UGT2B28: variants seen among roughly 807,000 people sequenced by gnomAD.
UGT2B28 encodes the protein UDP-glucuronosyltransferase 2B28.
Under a neutral mutation model 43.6 loss-of-function variants are expected in UGT2B28, and 45 were observed. The observed-to-expected ratio is 1.03, with a 90% CI of 0.81 to 1.32. The LOEUF is 1.32. Ranked by LOEUF, UGT2B28 falls within the 40% of genes most tolerant of loss-of-function variation. The pLI, the probability that UGT2B28 is intolerant of heterozygous loss-of-function variation, is 0.00. For missense variants in UGT2B28, 649 were observed against 625.5 expected, an observed-to-expected ratio of 1.04 and a Z score of -0.40; for synonymous variants, 204 against 208.1, an observed-to-expected ratio of 0.98 and a Z score of 0.17.
At chr4:69,288,019 TG>T (rs1379669757) in intron 3 of UGT2B28, among the ~76,000 whole-genome samples, 1 of 140,348 alleles carries the variant, frequency 7.1e-6, no homozygotes, top group Non-Finnish European at 1.5e-5. Flanking sequence ...TATTAATCAC[TG>T]TTGTCAAAGC....
chr4:69,286,730 A>T (rs1416978632), intron 2 of UGT2B28, 22 bp from the exon 3 acceptor site: 1 of 1,551,470 alleles, frequency 6.4e-7, no homozygotes, highest in Non-Finnish European at 8.7e-7. Flanking sequence ...CTCTTTTGTG[A>T]TTAAACAATT....
chr4:69,287,387 A>G lies in UGT2B28; in HGVS notation c.1002+504A>G, dbSNP rs1220637003. On this transcript the variant is annotated intron_variant, in intron 3 of 5. Coordinates refer to ENST00000335568, the MANE Select transcript of UGT2B28 (RefSeq NM_053039.2). Reference sequence around the variant, plus strand: ...GTTTTCCTAATCTCAGCAGTATCTAATGAGTGAAGAAGATTTGACTTACTC... The same window carrying G: ...GTTTTCCTAATCTCAGCAGTATCTAGTGAGTGAAGAAGATTTGACTTACTC... Among the ~76,000 whole-genome samples, 4 of 140,804 alleles carry G rather than the reference A, an allele frequency of 2.8e-5. 1 individual carries two copies. The highest frequency in any genetic ancestry group is 1.1e-4 in the African/African-American group (4 of 36,082). The allele number at this position is 140,804 out of a possible 152,430, so 92.4% of individuals were successfully genotyped here. A position where few individuals can be genotyped will look rare whatever the true frequency, so the allele number is the denominator to read the frequency against.
At position 69,283,242 on chromosome 4, in the gene UGT2B28, A is replaced by C. The variant is rs539314764; in HGVS notation, c.870+580A>C. On this transcript the variant is annotated intron_variant, in intron 2 of 5. Coordinates refer to ENST00000335568, the MANE Select transcript of UGT2B28 (RefSeq NM_053039.2). ...GGCAGACAAAAAGGGAAAGCAGATA[A>C]AGTGGTCAGGACAGTTCTCAAGTCC... Among the ~76,000 whole-genome samples, 32 of 139,090 alleles carry C rather than the reference A, an allele frequency of 2.3e-4. 5 individuals carry two copies. In the Middle Eastern group the frequency reaches 0.022, roughly 94 times the overall value. 91.2% of individuals were successfully genotyped at this position (139,090 alleles called of 152,430 possible).
chr4:69,282,405 A>T, intron 1 of UGT2B28, 109 bp from the exon 2 acceptor site: 1 of 1,173,664 alleles, frequency 8.5e-7, no homozygotes, highest in Non-Finnish European at 1.1e-6. Context: ...TTTTCAAAGC[A>T]CACAAACTTT....
At position 69,282,618 on chromosome 4, in the gene UGT2B28, T is replaced by A. The variant is rs1393996030; in HGVS notation, c.826T>A (p.Phe276Ile). The A allele has an allele frequency of 6.4e-7, 1 of 1,554,470 alleles. No homozygotes were observed. Among genetic ancestry groups the A allele is most frequent in the Non-Finnish European group, 8.7e-7 (1 of 1,153,222 alleles). The change falls in exon 2 of 6, where the codon TTT (phenylalanine) becomes ATT (isoleucine). Residue 276 changes from phenylalanine to isoleucine, a missense_variant. Coordinates refer to ENST00000335568, the MANE Select transcript of UGT2B28 (RefSeq NM_053039.2). ...FPHPFLPNID[F>I]VGGLHCKPAK... ...TCATCCATTCTTACCAAACATTGAT[T>A]TTGTTGGAGGACTCCACTGCAAACC...
intron 3 of UGT2B28, among the ~76,000 whole-genome samples, chr4:69,287,757 C>T (rs1723822050): frequency 7.1e-6 from 1 of 140,244 alleles, no homozygotes; most frequent in South Asian, 2.4e-4. Context: ...CTCCATAGAA[C>T]ATAGTAGGAA....
Position 69,291,208 on chromosome 4 carries a change from CATT to C in UGT2B28, c.1310+401_1310+403del, listed in dbSNP as rs1251214206. 4.3e-4 allele frequency among the ~76,000 whole-genome samples: 60 copies of C among 140,112 alleles called. 11 individuals are homozygous for C. The highest frequency in any genetic ancestry group is 7.5e-4 in the Non-Finnish European group (49 of 65,606). 91.9% of individuals were successfully genotyped at this position (140,112 alleles called of 152,430 possible). ...TTGCTGAAAAATTAATTTTTATCAT[CATT>C]ATTTTAACAGACTTGAAAATGAGAT... On this transcript the variant is annotated intron_variant, in intron 5 of 5. Coordinates refer to ENST00000335568, the MANE Select transcript of UGT2B28 (RefSeq NM_053039.2).
chr4:69,284,601 C>A (rs7686786), intron 2 of UGT2B28, among the ~76,000 whole-genome samples: 60,854 of 137,610 alleles, frequency 0.44, 18,948 homozygotes, highest in Non-Finnish European at 0.52. Context: ...ACTGACAGTG[C>A]AAATTGGAGG....
chr4:69,294,561 A>G lies in UGT2B28; in HGVS notation c.1342A>G (p.Ile448Val). Residue 448 changes from isoleucine to valine, a missense_variant, in exon 6 of 6, where the codon ATT becomes GTT. Physicochemically the swap from Ile to Val is conservative, Grantham distance 29. Coordinates refer to ENST00000335568, the MANE Select transcript of UGT2B28 (RefSeq NM_053039.2). ...AGAGAATGTTATGAAATTATCAATA[A>G]TTCAACATGATCAACCAGTAAAGCC... ...YKENVMKLSIIQHDQPVKPLH... is the reference protein window; with the variant it reads ...YKENVMKLSIVQHDQPVKPLH... The G allele has an allele frequency of 1.3e-6, 2 of 1,546,254 alleles. No homozygotes were observed. The highest frequency in any genetic ancestry group is 1.7e-6 in the Non-Finnish European group (2 of 1,149,888).
At chr4:69,294,455 A>C in intron 5 of UGT2B28, 75 bp from the exon 6 acceptor site, 1 of 1,310,812 alleles carries the variant, frequency 7.6e-7, no homozygotes, top group African/African-American at 1.7e-5. Context: ...ACACTTTAAA[A>C]GCCTTTCATA....
In UGT2B28 at chr4:69,283,842, C is replaced by G. The variant is rs1445735701; in HGVS notation, c.870+1180C>G. 4.3e-5 allele frequency among the ~76,000 whole-genome samples: 6 copies of G among 140,170 alleles called. No individual in the cohort carries two copies. In the East Asian group the frequency reaches 1.2e-3, roughly 29 times the overall value. 92.0% of individuals were successfully genotyped at this position (140,170 alleles called of 152,430 possible). ...TCATATATGACAGATACCCTGTGGACTTGATTAAAATTAGACATATCAATT... is the reference window on the plus strand; with the variant it reads ...TCATATATGACAGATACCCTGTGGAGTTGATTAAAATTAGACATATCAATT... On this transcript the variant is annotated intron_variant, in intron 2 of 5. Transcript: ENST00000335568.
At chr4:69,291,715 G>T (rs1486796312) in intron 5 of UGT2B28, among the ~76,000 whole-genome samples, 2 of 116,844 alleles carry the variant, frequency 1.7e-5, no homozygotes, top group East Asian at 4.6e-4. Flanking sequence ...GCATAAACAT[G>T]TTTTACTTTC....
At chr4:69,289,572 C>A (rs1723884353) in intron 3 of UGT2B28, 93 bp from the exon 4 acceptor site, 3 of 1,140,660 alleles carry the variant, frequency 2.6e-6, no homozygotes, top group Non-Finnish European at 3.6e-6. Context: ...TTACTAACAT[C>A]CCTTGATCTC....
At chr4:69,286,334 T>C (rs1459870287) in intron 2 of UGT2B28, among the ~76,000 whole-genome samples, 2 of 140,628 alleles carry the variant, frequency 1.4e-5, no homozygotes, top group South Asian at 2.4e-4. Context: ...ACAGAAAACA[T>C]GCCTGAAATA....
Position 69,282,748 on chromosome 4 carries a change from T to C in UGT2B28, c.870+86T>C, listed in dbSNP as rs932982990. 4.7e-6 allele frequency: 7 copies of C among 1,477,420 alleles called. 2 individuals are homozygous for C. Among genetic ancestry groups the C allele is most frequent in the African/African-American group, 3.3e-5 (2 of 61,456 alleles). 91.5% of individuals were successfully genotyped at this position (1,477,420 alleles called of 1,614,324 possible). A position where few individuals can be genotyped will look rare whatever the true frequency, so the allele number is the denominator to read the frequency against. On this transcript the variant is annotated intron_variant, in intron 2 of 5. Coordinates refer to ENST00000335568, the MANE Select transcript of UGT2B28 (RefSeq NM_053039.2). The stretch of plus-strand genomic sequence containing the variant: ...ATAGCCTTCATTCAAAATGTTTGAC[T>C]TACACTGAAAGAAAGATGGGAAGTA...
intron 2 of UGT2B28, among the ~76,000 whole-genome samples, chr4:69,284,548 TCTACA>T (rs1366624798): frequency 7.1e-6 from 1 of 139,962 alleles, no homozygotes; most frequent in African/African-American, 2.8e-5. Flanking sequence ...TCTGCGCCAC[TCTACA>T]CTACTCTTGA....
Position 69,281,571 on chromosome 4 carries a change from A to C in UGT2B28, c.721+350A>C, listed in dbSNP as rs556310983. ...AACATCTTACTGAATGCATAGATTT[A>C]GAATGAGTAATTACACATTTTTCTA... On this transcript the variant is annotated intron_variant, in intron 1 of 5. Transcript: ENST00000335568. 9.9e-5 allele frequency among the ~76,000 whole-genome samples: 14 copies of C among 141,280 alleles called. 4 individuals are homozygous for C. Among genetic ancestry groups the C allele is most frequent in the African/African-American group, 3.3e-4 (12 of 36,362 alleles). 92.7% of individuals were successfully genotyped at this position (141,280 alleles called of 152,430 possible). A position where few individuals can be genotyped will look rare whatever the true frequency, so the allele number is the denominator to read the frequency against.
chr4:69,289,377 C>T (rs749777170), intron 3 of UGT2B28, among the ~76,000 whole-genome samples: 11 of 140,142 alleles, frequency 7.8e-5, no homozygotes, highest in Non-Finnish European at 1.5e-4. Context: ...TGATGGTTGG[C>T]CGCAGGTAGG....
At position 69,284,386 on chromosome 4, in the gene UGT2B28, T is replaced by C. The variant is rs1723708816; in HGVS notation, c.870+1724T>C. Among the ~76,000 whole-genome samples the C allele has an allele frequency of 3.5e-5, 5 of 140,920 alleles. 1 individual carries two copies. In the Admixed American group the frequency reaches 3.6e-4, roughly 10 times the overall value. The allele number at this position is 140,920 out of a possible 152,430, so 92.4% of individuals were successfully genotyped here. ...AAGTAAGCCTTCTTCAATGCATTAT[T>C]ACTCAACCTCTTAAAAGAACATTTT... On this transcript the variant is annotated intron_variant, in intron 2 of 5. Coordinates refer to ENST00000335568, the MANE Select transcript of UGT2B28 (RefSeq NM_053039.2).
Sources: gnomAD v4.1 joint callset for allele counts (sites outside exome capture counted in the v4.1 genomes callset) on GRCh38, gnomAD v4.1.1 for gene constraint, MANE v1.5 for transcripts, NCBI Gene and HGNC (gene_info 2026-07-23, HGNC 2026-07-21) for gene names.